The following EML6 variants were observed in gnomAD, a reference collection of about 807,000 sequenced individuals.
The protein encoded by EML6 is echinoderm microtubule-associated protein-like 6.
EML6 carries 154 observed loss-of-function variants against 240.1 expected under a neutral mutation model. The observed-to-expected ratio is 0.64, with a 90% CI of 0.56 to 0.73. The LOEUF (loss-of-function observed/expected upper bound fraction) is 0.73, where lower values mean the gene tolerates loss of function less well. Among genes scored for constraint, EML6 ranks in the 30% least tolerant of loss-of-function variants. The pLI is 0.00. For synonymous variants in EML6, 1,148 were observed against 899.0 expected (o/e 1.28, Z -4.95); for missense variants, 2,964 against 2,474.6 (o/e 1.20, Z -4.20).
Position 54,850,815 on chromosome 2 carries a change from G to A in EML6, c.1444+597G>A, listed in dbSNP as rs554147269. 8.3e-4 allele frequency among the ~76,000 whole-genome samples: 126 copies of A among 152,360 alleles called. 1 individual carries two copies. Among genetic ancestry groups the A allele is most frequent in the African/African-American group, 2.7e-3 (114 of 41,592 alleles). On this transcript the variant is annotated intron_variant, in intron 10 of 41. Coordinates refer to ENST00000356458, the MANE Select transcript of EML6 (RefSeq NM_001039753.4). The stretch of plus-strand genomic sequence containing the variant: ...ATGCCTAAATGTTTATCAGCATGAG[G>A]AGAGTTGAGTTAAATGTGGTGTAGT...
intron 8 of EML6, 106 bp downstream of exon 8, chr2:54,844,354 T>G (rs1177692298): frequency 4.6e-6 from 4 of 873,392 alleles, no homozygotes; most frequent in Non-Finnish European, 7.1e-6. Context: ...CCACACAGTT[T>G]CCAAATGAAA....
chr2:54,955,138 A>G (rs1481115454), intron 32 of EML6, among the ~76,000 whole-genome samples: 2 of 152,260 alleles, frequency 1.3e-5, no homozygotes, highest in Non-Finnish European at 2.9e-5. Flanking sequence ...CTAGGAAACC[A>G]CATGTTCTCA....
intron 7 of EML6, among the ~76,000 whole-genome samples, chr2:54,838,759 AAGCAT>A (rs1669284875): frequency 6.6e-6 from 1 of 152,158 alleles, no homozygotes; most frequent in Non-Finnish European, 1.5e-5. Context: ...TCTCTGTACC[AAGCAT>A]AGGCCCAAGC....
At chr2:54,800,833 T>G (rs1670097722) in intron 2 of EML6, among the ~76,000 whole-genome samples, 1 of 152,054 alleles carries the variant, frequency 6.6e-6, no homozygotes, top group Non-Finnish European at 1.5e-5. Context: ...ACATGTAGGA[T>G]CCTCAACTCC....
chr2:54,794,475 G>C (rs1387814374), intron 2 of EML6, among the ~76,000 whole-genome samples: 1 of 152,160 alleles, frequency 6.6e-6, no homozygotes, highest in Admixed American at 6.5e-5. Context: ...AAACATCTGA[G>C]GGAGTAGGGA....
chr2:54,912,571 G>GC (rs1558679203), intron 25 of EML6, among the ~76,000 whole-genome samples: 1 of 152,008 alleles, frequency 6.6e-6, no homozygotes, highest in Non-Finnish European at 1.5e-5. Context: ...TCCTCTCTCT[G>GC]CCCCCCAGGA....
At chr2:54,819,413 T>C (rs1558576592) in intron 4 of EML6, among the ~76,000 whole-genome samples, 1 of 152,220 alleles carries the variant, frequency 6.6e-6, no homozygotes, top group East Asian at 1.9e-4. Context: ...ATTCTCAGGA[T>C]TGACCTTTTC....
Position 54,813,338 on chromosome 2 carries a change from A to C in EML6, c.304A>C (p.Lys102Gln). 6.4e-7 allele frequency: 1 copy of C among 1,551,632 alleles called. No individual in the cohort carries two copies. Among genetic ancestry groups the C allele is most frequent in the Non-Finnish European group, 8.7e-7 (1 of 1,146,806 alleles). ...SYNVQTVSLLKDVHTHGVACL... is the reference protein window; with the variant it reads ...SYNVQTVSLLQDVHTHGVACL... ...TAATGTCCAGACTGTGTCTCTTCTT[A>C]AAGATGTCCATACACATGGAGTTGC... is the stretch of plus-strand genomic sequence containing the variant. Residue 102 changes from lysine (K) to glutamine (Q), a missense_variant, in exon 3 of 42, where the codon AAA becomes CAA. Physicochemically the swap from Lys to Gln is moderately conservative, Grantham distance 53 (BLOSUM62 1). Transcript: ENST00000356458.
intron 36 of EML6, 119 bp from the exon 37 acceptor site, chr2:54,963,867 T>G: frequency 1.2e-6 from 1 of 815,672 alleles, no homozygotes; most frequent in South Asian, 1.9e-5. Context: ...AAGCAAGAGA[T>G]TTGGTGGCCT....
chr2:54,963,173 C>A (rs1676601034), intron 36 of EML6, among the ~76,000 whole-genome samples: 1 of 152,100 alleles, frequency 6.6e-6, no homozygotes, highest in South Asian at 2.1e-4. Flanking sequence ...ATCCTCATGG[C>A]CTTATCCAGT....
chr2:54,866,860 G>C lies in EML6; in HGVS notation c.2027G>C (p.Ser676Thr). Residue 676 changes from serine (S) to threonine (T), a missense_variant, in exon 14 of 42, where the codon AGC becomes ACC. Transcript: ENST00000356458. ...AAACGAGAAAAGGCTCCTGAGGACA[G>C]CTTGAAACTCCAGTTCATACACGGG... ...FLKREKAPEDSLKLQFIHGYR... is the reference protein window; with the variant it reads ...FLKREKAPEDTLKLQFIHGYR... 1.3e-6 allele frequency: 2 copies of C among 1,550,654 alleles called. No homozygotes were observed. The highest frequency in any genetic ancestry group is 1.7e-6 in the Non-Finnish European group (2 of 1,146,140).
At chr2:54,871,729 T>C in intron 16 of EML6, 124 bp downstream of exon 16, 1 of 719,136 alleles carries the variant, frequency 1.4e-6, no homozygotes, top group Non-Finnish European at 2.5e-6. Context: ...TTAGTCGTTC[T>C]GTTTGTATTG....
At chr2:54,951,356 A>T (rs918280863) in intron 30 of EML6, among the ~76,000 whole-genome samples, 1 of 152,116 alleles carries the variant, frequency 6.6e-6, no homozygotes, top group African/African-American at 2.4e-5. Flanking sequence ...AACATAGAGA[A>T]ACCCCATCTC....
chr2:54,795,601 GC>G (rs1242056372), intron 2 of EML6, among the ~76,000 whole-genome samples: 9 of 152,136 alleles, frequency 5.9e-5, no homozygotes, highest in African/African-American at 2.4e-5. Flanking sequence ...AGGAGCATAT[GC>G]CCCCAGGGAA....
At chr2:54,851,934 A>G (rs974439508) in intron 10 of EML6, among the ~76,000 whole-genome samples, 11 of 152,234 alleles carry the variant, frequency 7.2e-5, no homozygotes, top group Non-Finnish European at 1.5e-4. Flanking sequence ...AGTCGGCTAC[A>G]TTATCATTAG....
At chr2:54,968,889 A>G (rs1676869253) in intron 41 of EML6, 121 bp downstream of exon 41, 1 of 603,718 alleles carries the variant, frequency 1.7e-6, no homozygotes, top group Non-Finnish European at 3.0e-6. Flanking sequence ...TGGGGCTAAT[A>G]AACAGGAAAT....
chr2:54,738,215 A>G (rs1404445645), intron 2 of EML6, among the ~76,000 whole-genome samples: 1 of 152,086 alleles, frequency 6.6e-6, no homozygotes, highest in Non-Finnish European at 1.5e-5. Context: ...AGTTCTCATA[A>G]TGGAGCCTGG....
At chr2:54,918,990 A>G (rs952597086) in intron 26 of EML6, among the ~76,000 whole-genome samples, 4 of 152,232 alleles carry the variant, frequency 2.6e-5, no homozygotes, top group East Asian at 3.9e-4. Flanking sequence ...TCCGGAGCCT[A>G]TTTGTTTTCC....
intron 2 of EML6, among the ~76,000 whole-genome samples, chr2:54,800,128 C>G (rs940850426): frequency 6.6e-6 from 1 of 152,122 alleles, no homozygotes; most frequent in Admixed American, 6.5e-5. Flanking sequence ...GCCTGTAATC[C>G]CAGCTACTCG....
Sources: allele counts gnomAD v4.1 joint callset (sites outside exome capture counted in the v4.1 genomes callset), GRCh38; gene constraint gnomAD v4.1.1; transcripts MANE v1.5; gene names NCBI Gene and HGNC (gene_info 2026-07-23, HGNC 2026-07-21).